PRORP: variants seen among roughly 807,000 people sequenced by gnomAD.
The protein encoded by PRORP is protein only RNase P catalytic subunit.
PRORP carries 51 observed loss-of-function variants against 59.4 expected under a neutral mutation model. The ratio of observed to expected loss-of-function variants is 0.86; its 90% CI spans 0.69 to 1.08. The LOEUF (loss-of-function observed/expected upper bound fraction) is 1.08. Ranked by LOEUF, PRORP falls within the 50% of genes least tolerant of loss-of-function variation. The probability of loss-of-function intolerance (pLI) is 0.00; values close to 1 mark genes in which losing one functional copy is unlikely to be tolerated. For missense variants in PRORP, 646 were observed against 690.3 expected (o/e 0.94, Z 0.72); for synonymous variants, 231 against 245.6 (o/e 0.94, Z 0.55).
intron 4 of PRORP, among the ~76,000 whole-genome samples, chr14:35,164,437 A>G (rs1294689762): frequency 6.6e-6 from 1 of 152,268 alleles, no homozygotes; most frequent in Non-Finnish European, 1.5e-5. Flanking sequence ...ACTATACACC[A>G]TGGAATGCTA....
chr14:35,145,556 C>T (rs1199119350), intron 4 of PRORP, among the ~76,000 whole-genome samples: 1 of 141,480 alleles, frequency 7.1e-6, no homozygotes, highest in African/African-American at 2.5e-5. Flanking sequence ...CCCGTCTGTA[C>T]TAAAAATACA....
intron 4 of PRORP, among the ~76,000 whole-genome samples, chr14:35,170,014 G>T (rs953841772): frequency 7.9e-5 from 12 of 152,100 alleles, no homozygotes; most frequent in African/African-American, 2.9e-4. Flanking sequence ...TGTTATTTAT[G>T]ATATGACTTT....
intron 4 of PRORP, among the ~76,000 whole-genome samples, chr14:35,142,535 A>G (rs1338239935): frequency 2.1e-5 from 3 of 142,478 alleles, no homozygotes; most frequent in Non-Finnish European, 4.7e-5. Context: ...TAAAAAAAAA[A>G]AAATTTTAGA....
chr14:35,181,360 G>A (rs984989220), intron 5 of PRORP, among the ~76,000 whole-genome samples: 2 of 152,032 alleles, frequency 1.3e-5, no homozygotes, highest in African/African-American at 4.8e-5. Flanking sequence ...GGCTAATTTT[G>A]TATAGTAAAT....
intron 5 of PRORP, among the ~76,000 whole-genome samples, chr14:35,187,589 AT>A (rs377727579): frequency 1.9e-4 from 28 of 146,374 alleles, no homozygotes; most frequent in Middle Eastern, 3.5e-3. Flanking sequence ...TGCCTGGCTA[AT>A]TTTTTTTTTT....
intron 5 of PRORP, among the ~76,000 whole-genome samples, chr14:35,199,601 G>A (rs2139122683): frequency 6.6e-6 from 1 of 152,264 alleles, no homozygotes; most frequent in South Asian, 2.1e-4. Flanking sequence ...CATCTTGGAA[G>A]CAGAGACCCA....
At chr14:35,243,072 A>G (rs139422701) in intron 5 of PRORP, among the ~76,000 whole-genome samples, 1 of 152,222 alleles carries the variant, frequency 6.6e-6, no homozygotes, top group Non-Finnish European at 1.5e-5. Flanking sequence ...TGTTTATCCT[A>G]TGGCTTCAAG....
chr14:35,161,820 A>G (rs906854560), intron 4 of PRORP, among the ~76,000 whole-genome samples: 2 of 152,166 alleles, frequency 1.3e-5, no homozygotes, highest in Admixed American at 6.6e-5. Context: ...GATTTAAGAA[A>G]TAACTTTAAA....
intron 5 of PRORP, among the ~76,000 whole-genome samples, chr14:35,247,630 C>T (rs1343661974): frequency 1.3e-5 from 2 of 152,082 alleles, no homozygotes; most frequent in Non-Finnish European, 2.9e-5. Flanking sequence ...CAAATTATTC[C>T]TTATATATGG....
At chr14:35,148,557 C>CT (rs1555321742) in intron 4 of PRORP, among the ~76,000 whole-genome samples, 1 of 152,158 alleles carries the variant, frequency 6.6e-6, no homozygotes, top group African/African-American at 2.4e-5. Context: ...GTTAAGGACT[C>CT]TAAGATTTTT....
intron 4 of PRORP, among the ~76,000 whole-genome samples, chr14:35,139,118 T>C (rs2047430977): frequency 6.9e-6 from 1 of 145,424 alleles, no homozygotes; most frequent in Non-Finnish European, 1.5e-5. Context: ...ATACAAGTCC[T>C]TTTGGTTTTG....
intron 5 of PRORP, among the ~76,000 whole-genome samples, chr14:35,247,292 G>A (rs550924276): frequency 5.3e-5 from 8 of 152,108 alleles, no homozygotes; most frequent in African/African-American, 1.7e-4. Flanking sequence ...GATGTCTAAG[G>A]TGTCTCTCCC....
In PRORP at chr14:35,124,293, G is replaced by T. The variant is rs936503257; in HGVS notation, c.986+62G>T. ...TTAATTTTTTTTTTTTTTGAGACAG[G>T]GTCTTGCTCTGTTGCCCAGACTGGA... On this transcript the variant is annotated intron_variant, in intron 2 of 7. Coordinates refer to ENST00000534898, the MANE Select transcript of PRORP (RefSeq NM_014672.4). 3.6e-6 allele frequency: 4 copies of T among 1,124,624 alleles called. No homozygotes were observed. The Admixed American group carries it at 1.1e-4, about 32-fold the overall frequency. 69.7% of individuals were successfully genotyped at this position (1,124,624 alleles called of 1,614,324 possible). A position where few individuals can be genotyped will look rare whatever the true frequency, so the allele number is the denominator to read the frequency against.
intron 4 of PRORP, among the ~76,000 whole-genome samples, chr14:35,155,559 T>A (rs1325110793): frequency 1.2e-5 from 1 of 86,844 alleles, no homozygotes; most frequent in Admixed American, 1.1e-4. Context: ...TGGTGTCTAT[T>A]TAAAAAAAAA....
intron 4 of PRORP, among the ~76,000 whole-genome samples, chr14:35,145,444 G>A (rs1462867840): frequency 7.0e-6 from 1 of 143,618 alleles, no homozygotes; most frequent in Admixed American, 7.3e-5. Flanking sequence ...ATAAAAGGCC[G>A]GGCGCAGTGG....
At chr14:35,209,408 TA>T (rs2049379903) in intron 5 of PRORP, among the ~76,000 whole-genome samples, 1 of 152,228 alleles carries the variant, frequency 6.6e-6, no homozygotes, top group Non-Finnish European at 1.5e-5. Flanking sequence ...ACAAATTTCC[TA>T]ATAAGTGCAA....
intron 5 of PRORP, among the ~76,000 whole-genome samples, chr14:35,182,535 G>C (rs4981270): frequency 0.59 from 89,402 of 151,832 alleles, 26,454 homozygotes; most frequent in East Asian, 0.69. Context: ...ATCCCAGCTA[G>C]TTGGGAGGCT....
intron 4 of PRORP, among the ~76,000 whole-genome samples, chr14:35,177,168 A>G (rs910985657): frequency 2.0e-5 from 3 of 149,158 alleles, no homozygotes; most frequent in Non-Finnish European, 4.4e-5. Flanking sequence ...GGATTTTTCC[A>G]TCGATGTTCA....
At chr14:35,201,336 G>T (rs914845195) in intron 5 of PRORP, among the ~76,000 whole-genome samples, 1 of 152,148 alleles carries the variant, frequency 6.6e-6, no homozygotes, top group African/African-American at 2.4e-5. Context: ...CTGGCGGGAG[G>T]AGTTATGTTT....
Sources: gnomAD v4.1 joint callset for allele counts (sites outside exome capture counted in the v4.1 genomes callset) on GRCh38, gnomAD v4.1.1 for gene constraint, MANE v1.5 for transcripts, NCBI Gene and HGNC (gene_info 2026-07-23, HGNC 2026-07-21) for gene names.